DPY19L4: variants seen among roughly 807,000 people sequenced by gnomAD.
DPY19L4 encodes the protein dpy-19 like 4.
DPY19L4 carries 97 observed loss-of-function variants against 102.8 expected under a neutral mutation model. That is an observed-to-expected ratio of 0.94 (90% CI 0.80 to 1.12). DPY19L4 has a LOEUF of 1.12. Ranked by LOEUF, DPY19L4 falls within the 50% of genes most tolerant of loss-of-function variation. The pLI is 0.00. For missense variants in DPY19L4, 815 were observed against 850.4 expected, an observed-to-expected ratio of 0.96 and a Z score of 0.52; for synonymous variants, 252 against 283.1, an observed-to-expected ratio of 0.89 and a Z score of 1.10.
intron 1 of DPY19L4, 41 bp downstream of exon 1, chr8:94,720,055 G>C (rs13267007): frequency 0.64 from 964,675 of 1,517,868 alleles, 309,742 homozygotes; most frequent in African/African-American, 0.83. Flanking sequence ...GCTGCCAGTG[G>C]TCTCGGGAAG....
chr8:94,781,591 A>G (rs57754517), intron 16 of DPY19L4, among the ~76,000 whole-genome samples: 5,153 of 152,248 alleles, frequency 0.034, 294 homozygotes, highest in African/African-American at 0.12. Flanking sequence ...GGGAATTGGA[A>G]TTGAGAACCC....
intron 7 of DPY19L4, 78 bp from the exon 8 acceptor site, chr8:94,761,622 A>T: frequency 1.5e-6 from 2 of 1,294,598 alleles, no homozygotes; most frequent in South Asian, 4.3e-5. Context: ...CAGAGCTACA[A>T]CTTTGAGGTA....
At chr8:94,739,867 C>T (rs1361727042) in intron 6 of DPY19L4, 77 bp downstream of exon 6, 34 of 1,431,478 alleles carry the variant, frequency 2.4e-5, no homozygotes, top group Non-Finnish European at 2.9e-5. Context: ...TGCCTCCCCT[C>T]CCCAACAGTC....
chr8:94,783,921 T>C, intron 17 of DPY19L4, 119 bp downstream of exon 17: 1 of 1,142,408 alleles, frequency 8.8e-7, no homozygotes, highest in South Asian at 1.8e-5. Context: ...TTAGAAGAGT[T>C]AATTAACTTC....
intron 4 of DPY19L4, 57 bp downstream of exon 4, chr8:94,738,516 C>A: frequency 1.3e-6 from 1 of 779,676 alleles, no homozygotes; most frequent in Non-Finnish European, 1.8e-6. Flanking sequence ...CTTTTCTTTT[C>A]TTTTTTTTTT....
At chr8:94,736,720 G>A (rs993263171) in intron 3 of DPY19L4, among the ~76,000 whole-genome samples, 2 of 152,140 alleles carry the variant, frequency 1.3e-5, no homozygotes, top group Non-Finnish European at 2.9e-5. Flanking sequence ...CTGTACCTCT[G>A]GAAGTTCATG....
At chr8:94,732,811 CTTT>C (rs10624368) in intron 2 of DPY19L4, among the ~76,000 whole-genome samples, 3 of 128,078 alleles carry the variant, frequency 2.3e-5, no homozygotes, top group Non-Finnish European at 4.8e-5. Flanking sequence ...CTTTTTCTTT[CTTT>C]TTTTTTTTTT....
chr8:94,738,318 CAAA>C (rs201512830), intron 3 of DPY19L4, 48 bp from the exon 4 acceptor site: 1,693 of 850,898 alleles, frequency 2.0e-3, no homozygotes, highest in Middle Eastern at 4.2e-3. Flanking sequence ...GACTCTGTCT[CAAA>C]AAAAAAAAAA....
At chr8:94,776,921 C>G (rs1288256011) in intron 13 of DPY19L4, among the ~76,000 whole-genome samples, 1 of 139,594 alleles carries the variant, frequency 7.2e-6, no homozygotes, top group African/African-American at 2.7e-5. Flanking sequence ...GCCAAGATCA[C>G]AACCACTGTA....
chr8:94,722,501 G>A (rs1263581543), intron 1 of DPY19L4, among the ~76,000 whole-genome samples: 3 of 152,086 alleles, frequency 2.0e-5, no homozygotes, highest in Non-Finnish European at 4.4e-5. Flanking sequence ...GACAATTAAT[G>A]GGTTGTAATT....
At chr8:94,726,508 G>A in intron 2 of DPY19L4, 67 bp downstream of exon 2, 1 of 1,277,924 alleles carries the variant, frequency 7.8e-7, no homozygotes, top group Admixed American at 2.5e-5. Context: ...TATATTTTAT[G>A]TCAATATTTT....
At chr8:94,720,576 G>A (rs1810414394) in intron 1 of DPY19L4, among the ~76,000 whole-genome samples, 1 of 152,166 alleles carries the variant, frequency 6.6e-6, no homozygotes, top group Admixed American at 6.5e-5. Flanking sequence ...AAAGAGCAGA[G>A]CCATCTAATT....
intron 6 of DPY19L4, among the ~76,000 whole-genome samples, chr8:94,745,335 T>A (rs1416268091): frequency 3.5e-5 from 4 of 114,814 alleles, no homozygotes; most frequent in Non-Finnish European, 6.8e-5. Context: ...GTGGAAATTG[T>A]CTTGTTCCCC....
At chr8:94,736,942 T>G (rs1472692944) in intron 3 of DPY19L4, among the ~76,000 whole-genome samples, 1 of 152,210 alleles carries the variant, frequency 6.6e-6, no homozygotes, top group Non-Finnish European at 1.5e-5. Flanking sequence ...GTGGTTTTCC[T>G]TCTAGATTTT....
chr8:94,726,294 T>C, intron 1 of DPY19L4, 37 bp from the exon 2 acceptor site: 1 of 1,547,540 alleles, frequency 6.5e-7, no homozygotes, highest in East Asian at 2.3e-5. Flanking sequence ...AAAACAATTT[T>C]ATACACACAT....
intron 16 of DPY19L4, 73 bp downstream of exon 16, chr8:94,781,239 G>A (rs1586422266): frequency 1.6e-6 from 2 of 1,233,868 alleles, no homozygotes; most frequent in East Asian, 2.7e-5. Context: ...TGAATTCACA[G>A]GAAATAATAA....
intron 12 of DPY19L4, among the ~76,000 whole-genome samples, chr8:94,769,288 C>G (rs765790135): frequency 3.3e-5 from 5 of 151,726 alleles, no homozygotes; most frequent in Non-Finnish European, 7.4e-5. Context: ...CTCAAACTCC[C>G]GACCTCAAGG....
intron 2 of DPY19L4, among the ~76,000 whole-genome samples, chr8:94,732,733 G>A (rs1331584325): frequency 2.0e-5 from 3 of 150,886 alleles, no homozygotes; most frequent in African/African-American, 7.3e-5. Flanking sequence ...TTTTGATATT[G>A]GGTCATACAT....
intron 9 of DPY19L4, 102 bp from the exon 10 acceptor site, chr8:94,765,609 T>TA: frequency 1.1e-6 from 1 of 937,594 alleles, no homozygotes; most frequent in Non-Finnish European, 1.7e-6. Context: ...GTGCTGGGAT[T>TA]ACAGGCTTGA....
Sources: gnomAD v4.1 joint callset for allele counts (sites outside exome capture counted in the v4.1 genomes callset) on GRCh38, gnomAD v4.1.1 for gene constraint, MANE v1.5 for transcripts, NCBI Gene and HGNC (gene_info 2026-07-23, HGNC 2026-07-21) for gene names.